Variants in ALG9 observed in about 807,000 individuals in gnomAD.
The protein encoded by ALG9 is ALG9 alpha-1,2-mannosyltransferase, also known as alpha-1,2-mannosyltransferase ALG9.
Under a neutral mutation model 81.8 loss-of-function variants are expected in ALG9, and 55 were observed. The observed-to-expected ratio is 0.67, with a 90% CI of 0.54 to 0.84. The LOEUF (loss-of-function observed/expected upper bound fraction) is 0.84, where lower values mean the gene tolerates loss of function less well. Ranked by LOEUF, ALG9 falls within the 40% of genes least tolerant of loss-of-function variation. The probability of loss-of-function intolerance (pLI) is 0.00; values close to 1 mark genes in which losing one functional copy is unlikely to be tolerated. For synonymous variants in ALG9, 278 were observed against 274.3 expected, an observed-to-expected ratio of 1.01 and a Z score of -0.13; for missense variants, 629 against 745.0, an observed-to-expected ratio of 0.84 and a Z score of 1.81.
intron 13 of ALG9, among the ~76,000 whole-genome samples, chr11:111,830,462 GTTCA>G (rs1243501581): frequency 6.6e-6 from 1 of 152,094 alleles, no homozygotes; most frequent in African/African-American, 2.4e-5. Flanking sequence ...AAAAATTTTT[GTTCA>G]TTCAATCATT....
chr11:111,866,372 G>A (rs1239983089), intron 3 of ALG9, among the ~76,000 whole-genome samples: 1 of 152,094 alleles, frequency 6.6e-6, no homozygotes, highest in Non-Finnish European at 1.5e-5. Context: ...TCACGAACAG[G>A]TCCATGAAGA....
intron 14 of ALG9, among the ~76,000 whole-genome samples, chr11:111,809,307 T>A (rs1555088579): frequency 1.3e-5 from 2 of 152,132 alleles, no homozygotes; most frequent in Admixed American, 6.5e-5. Context: ...GGCAGGTGGA[T>A]CACCTGAGGT....
intron 14 of ALG9, among the ~76,000 whole-genome samples, chr11:111,808,803 C>T (rs1163997111): frequency 6.6e-6 from 1 of 152,156 alleles, no homozygotes; most frequent in Non-Finnish European, 1.5e-5. Context: ...GGACCTCTGC[C>T]CTCAGACACC....
downstream of ALG9, among the ~76,000 whole-genome samples, chr11:111,778,709 A>G (rs1945760746): frequency 6.6e-6 from 1 of 151,954 alleles, no homozygotes; most frequent in African/African-American, 2.4e-5. Context: ...TAGCTAGATC[A>G]CCTGGAGAGT....
intron 13 of ALG9, among the ~76,000 whole-genome samples, chr11:111,823,974 C>T (rs1952834599): frequency 6.6e-6 from 1 of 152,214 alleles, no homozygotes; most frequent in Non-Finnish European, 1.5e-5. Context: ...TAAGGGTGAA[C>T]ACCCAGGATG....
chr11:111,853,385 A>C lies in ALG9; in HGVS notation c.890T>G (p.Leu297Arg), dbSNP rs1958133392. ...CAAATTTCACAAAGCCTTACCATAA[A>C]GATCAGGTCCATGAGGAGTAAAGAC... ...YNVFTPHGPD[L>R]YGTEPWYFYL... Residue 297 changes from leucine to arginine, a missense_variant, in exon 8 of 15, where the codon CTT becomes CGT. Coordinates refer to ENST00000616540, the MANE Select transcript of ALG9 (RefSeq NM_024740.2). 6.2e-7 allele frequency: 1 copy of C among 1,612,904 alleles called. No homozygotes were observed. The highest frequency in any genetic ancestry group is 8.5e-7 in the Non-Finnish European group (1 of 1,179,070).
chr11:111,827,717 A>T (rs1436496311), intron 13 of ALG9, among the ~76,000 whole-genome samples: 1 of 151,508 alleles, frequency 6.6e-6, no homozygotes, highest in Non-Finnish European at 1.5e-5. Flanking sequence ...AAATACAAAA[A>T]ATTAGCCAGG....
intron 14 of ALG9, among the ~76,000 whole-genome samples, chr11:111,795,429 G>A (rs1555074433): frequency 2.6e-5 from 4 of 152,108 alleles, no homozygotes; most frequent in Non-Finnish European, 2.9e-5. Flanking sequence ...GTGCAAGGGG[G>A]CATGGAAGGC....
the ALG9 span, among the ~76,000 whole-genome samples, chr11:111,776,352 G>A: frequency 1.3e-5 from 2 of 152,168 alleles, no homozygotes; most frequent in African/African-American, 4.8e-5. Context: ...CACTTTGGGA[G>A]GCTGAGGCGG....
At chr11:111,795,614 G>A (rs1186420592) in intron 14 of ALG9, among the ~76,000 whole-genome samples, 4 of 152,186 alleles carry the variant, frequency 2.6e-5, no homozygotes, top group Admixed American at 2.6e-4. Flanking sequence ...AAATATTCAT[G>A]ATTTTGACTA....
At chr11:111,802,535 G>T (rs1555081349) in intron 14 of ALG9, among the ~76,000 whole-genome samples, 1 of 152,178 alleles carries the variant, frequency 6.6e-6, no homozygotes, top group Non-Finnish European at 1.5e-5. Context: ...TGGGAATGAG[G>T]TATCTTACTG....
chr11:111,837,601 G>A lies in ALG9; in HGVS notation c.1339C>T (p.Leu447Phe). 1 of 1,614,082 alleles carries A rather than the reference G, an allele frequency of 6.2e-7. No homozygotes were observed. Among genetic ancestry groups the A allele is most frequent in the Non-Finnish European group, 8.5e-7 (1 of 1,179,976 alleles). ...VALFRGYHGP[L>F]DLYPEFYRIA... Reference sequence around the variant, plus strand: ...CGGTAAAATTCTGGATACAAATCAAGGGGCCCGTGATATCCTGGAAGGGAG... The same window carrying A: ...CGGTAAAATTCTGGATACAAATCAAAGGGCCCGTGATATCCTGGAAGGGAG... Residue 447 changes from leucine to phenylalanine, a missense_variant, in exon 12 of 15, where the codon CTT (leucine) becomes TTT (phenylalanine). Transcript: ENST00000616540.
At chr11:111,806,949 T>C (rs1445410704) in intron 14 of ALG9, among the ~76,000 whole-genome samples, 2 of 152,290 alleles carry the variant, frequency 1.3e-5, no homozygotes, top group East Asian at 3.9e-4. Flanking sequence ...CATCTTTGAC[T>C]CCTTTCTTTC....
At chr11:111,806,686 C>T (rs1392341737) in intron 14 of ALG9, among the ~76,000 whole-genome samples, 1 of 152,144 alleles carries the variant, frequency 6.6e-6, no homozygotes. Context: ...CATCTAAATG[C>T]CAATAGTTCT....
intron 13 of ALG9, among the ~76,000 whole-genome samples, chr11:111,811,878 TG>T (rs879981483): frequency 1.3e-5 from 2 of 152,020 alleles, no homozygotes; most frequent in African/African-American, 4.8e-5. Flanking sequence ...TGGGTTTTTT[TG>T]GGGGGGAGGC....
At chr11:111,778,675 T>A (rs1465181002), downstream of ALG9, among the ~76,000 whole-genome samples, 6 of 152,192 alleles carry the variant, frequency 3.9e-5, no homozygotes, top group East Asian at 7.7e-4. Context: ...TCCAGAGCAG[T>A]GGTGTTCAAC....
chr11:111,795,137 AT>A (rs1948060897), intron 14 of ALG9, among the ~76,000 whole-genome samples: 4 of 152,188 alleles, frequency 2.6e-5, no homozygotes, highest in Non-Finnish European at 5.9e-5. Flanking sequence ...TAACTGCTCT[AT>A]CTCTAGTTTT....
intron 8 of ALG9, among the ~76,000 whole-genome samples, chr11:111,852,431 T>C (rs1957974746): frequency 1.3e-5 from 2 of 152,186 alleles, no homozygotes; most frequent in South Asian, 4.2e-4. Flanking sequence ...GGAGATGGGG[T>C]AAACTGAAGA....
chr11:111,870,193 A>T, intron 2 of ALG9, 39 bp downstream of exon 2: 1 of 1,600,270 alleles, frequency 6.2e-7, no homozygotes. Context: ...TATGCTGCAA[A>T]ATCAAGAACA....
Sources: gnomAD v4.1 joint callset for allele counts (sites outside exome capture counted in the v4.1 genomes callset) on GRCh38, gnomAD v4.1.1 for gene constraint, MANE v1.5 for transcripts, NCBI Gene and HGNC (gene_info 2026-07-23, HGNC 2026-07-21) for gene names.